The following TEX30 variants were observed in gnomAD, a reference collection of about 807,000 sequenced individuals.
TEX30 encodes testis expressed 30.
A neutral mutation model predicts 23.8 loss-of-function variants in TEX30; 14 were observed. That is an observed-to-expected ratio of 0.59 (90% CI 0.39 to 0.92). TEX30 has a LOEUF of 0.92. TEX30 is among the 40% of genes least tolerant of loss of function. The pLI is 0.00. For missense variants in TEX30, 246 were observed against 270.6 expected (o/e 0.91, Z 0.64); for synonymous variants, 78 against 90.2 (o/e 0.87, Z 0.76).
At chr13:102,769,271 C>A in intron 3 of TEX30, 40 bp downstream of exon 3, 1 of 1,321,908 alleles carries the variant, frequency 7.6e-7, no homozygotes, top group Non-Finnish European at 1.0e-6. Context: ...GGATTTCAAA[C>A]AGAATTCTGT....
Position 102,769,526 on chromosome 13 carries a change from G to C in TEX30, c.31C>G (p.Pro11Ala), listed in dbSNP as rs1421806950. The change falls in exon 3 of 6, where the codon CCT (proline) becomes GCT (alanine). Residue 11 changes from proline to alanine, a missense_variant. Transcript: ENST00000376032. Reference protein sequence around the residue: MSHTEVKLKIPFGNKLLDAVC... With the variant: MSHTEVKLKIAFGNKLLDAVC... The stretch of plus-strand genomic sequence containing the variant: ...GCATCTAGTAATTTATTTCCAAAAG[G>C]TATTTTTAATTTAACCTGGAATTCA... 1 of 1,586,538 alleles carries C rather than the reference G, an allele frequency of 6.3e-7. No homozygotes were observed. The highest frequency in any genetic ancestry group is 8.6e-7 in the Non-Finnish European group (1 of 1,167,930).
Position 102,766,372 on chromosome 13 carries a change from A to G in TEX30, c.*29T>C. 1 of 1,582,732 alleles carries G rather than the reference A, an allele frequency of 6.3e-7. No homozygotes were observed. Among genetic ancestry groups the G allele is most frequent in the Non-Finnish European group, 8.7e-7 (1 of 1,155,572 alleles). On this transcript the variant is annotated 3_prime_UTR_variant, in exon 6 of 6. Transcript: ENST00000376032. The stretch of plus-strand genomic sequence containing the variant: ...TACTCTTCTTTATCAAATTAACTGT[A>G]TGTGTACTCAAGATAACATGGCTTT...
At chr13:102,773,564 C>A (rs1045057681) in intron 1 of TEX30, 118 bp downstream of exon 1, 1 of 152,028 alleles carries the variant, frequency 6.6e-6, no homozygotes, top group African/African-American at 2.4e-5. Context: ...GACCAGACGC[C>A]CCTGAGGAGT....
chr13:102,767,196 G>T, intron 5 of TEX30, 77 bp downstream of exon 5: 1 of 1,449,550 alleles, frequency 6.9e-7, no homozygotes, highest in Non-Finnish European at 9.5e-7. Context: ...AGACACTGTT[G>T]CCAGAAGTAT....
chr13:102,770,162 C>G, intron 1 of TEX30, 76 bp from the exon 2 acceptor site: 1 of 472,400 alleles, frequency 2.1e-6, no homozygotes, highest in Non-Finnish European at 3.5e-6. Context: ...TGAACACATT[C>G]AGTAGCTAAA....
rs576581481 is a variant in TEX30 at position 102,771,770 on chromosome 13, C to G, written c.-60-1684G>C. ...TCCAGTCTTCTAACAAGGGGAAAGG[C>G]AGTCACCCAACAGGTGAAATGGGGA... On this transcript the variant is annotated intron_variant, in intron 1 of 5. Transcript: ENST00000376032. Among the ~76,000 whole-genome samples, 8 of 152,324 alleles carry G rather than the reference C, an allele frequency of 5.3e-5. No homozygotes were observed. In the East Asian group the frequency reaches 1.5e-3, roughly 29 times the overall value.
chr13:102,767,177 A>G, intron 5 of TEX30, 96 bp downstream of exon 5: 1 of 1,310,326 alleles, frequency 7.6e-7, no homozygotes, highest in Non-Finnish European at 1.0e-6. Context: ...CAAATTAGCA[A>G]TTTTTAAAAG....
At chr13:102,768,793 T>TA (rs959492826) in intron 3 of TEX30, among the ~76,000 whole-genome samples, 8 of 151,440 alleles carry the variant, frequency 5.3e-5, no homozygotes, top group East Asian at 1.9e-4. Flanking sequence ...CTGATAAGCT[T>TA]AAAAAAAAAT....
rs1364808301 is a variant in TEX30 at position 102,766,354 on chromosome 13, C to T, written c.*47G>A. The stretch of plus-strand genomic sequence containing the variant: ...TCACAATGCTGAGAGGCATACTCTT[C>T]TTTATCAAATTAACTGTATGTGTAC... On this transcript the variant is annotated 3_prime_UTR_variant, in exon 6 of 6. Coordinates refer to ENST00000376032, the MANE Select transcript of TEX30 (RefSeq NM_138779.5). The T allele has an allele frequency of 2.0e-6, 3 of 1,506,118 alleles. No individual in the cohort carries two copies. The Admixed American group carries it at 5.4e-5, about 27-fold the overall frequency. The allele number at this position is 1,506,118 out of a possible 1,614,324, so 93.3% of individuals were successfully genotyped here. A position where few individuals can be genotyped will look rare whatever the true frequency, so the allele number is the denominator to read the frequency against.
In TEX30 at chr13:102,769,414, A is replaced by T. The variant is rs1207331159; in HGVS notation, c.143T>A (p.Met48Lys). The change falls in exon 3 of 6, where the codon ATG (methionine) becomes AAG (lysine). Residue 48 changes from methionine (M) to lysine (K), a missense_variant. Physicochemically the swap from Met to Lys is moderately conservative, Grantham distance 95. Transcript: ENST00000376032. ...AGATGCAAGATGGGATGCCAGTGAC[A>T]TCAAATGAGGAAGATTCATATCTCC... ...ASGDMNLPHLMSLASHLASHG... is the reference protein window; with the variant it reads ...ASGDMNLPHLKSLASHLASHG... 1.2e-6 allele frequency: 2 copies of T among 1,610,988 alleles called. No individual in the cohort carries two copies. Among genetic ancestry groups the T allele is most frequent in the Non-Finnish European group, 1.7e-6 (2 of 1,179,056 alleles).
Position 102,769,335 on chromosome 13 carries a change from T to C in TEX30, c.222A>G (p.Arg74=). Residue 74 remains arginine, a synonymous_variant, in exon 3 of 6, where the codon AGA becomes AGG. Coordinates refer to ENST00000376032, the MANE Select transcript of TEX30 (RefSeq NM_138779.5). ...CCAAAACTGATTTATACGCCTTAAT[T>C]CTATGTACAATATTAAGGCCTTTAC... ...FTCKGLNIVH[R]IKAYKSVLNY... is the part of the protein sequence containing the mutation. The C allele has an allele frequency of 6.4e-7, 1 of 1,555,776 alleles. No homozygotes were observed. Among genetic ancestry groups the C allele is most frequent in the Non-Finnish European group, 8.6e-7 (1 of 1,158,966 alleles).
chr13:102,769,808 G>A (rs945891349), intron 2 of TEX30: 8 of 524,022 alleles, frequency 1.5e-5, no homozygotes, highest in Middle Eastern at 4.6e-4. Flanking sequence ...AGGCACAGCA[G>A]ATTAAGTAAC....
intron 5 of TEX30, 29 bp downstream of exon 5, chr13:102,767,240 TTTCA>T: frequency 6.3e-7 from 1 of 1,595,514 alleles, no homozygotes; most frequent in African/African-American, 1.3e-5. Flanking sequence ...TTTCATTCTC[TTTCA>T]TTGACACAAA....
At chr13:102,769,703 G>A (rs1046439331) in intron 2 of TEX30, 162 bp from the exon 3 acceptor site, 12 of 571,406 alleles carry the variant, frequency 2.1e-5, no homozygotes, top group African/African-American at 7.7e-5. Flanking sequence ...TTACTGTGTC[G>A]GGTATTATTA....
rs187879730 is a variant in TEX30, at chr13:102,769,937, T to A, written c.15+75A>T. On this transcript the variant is annotated intron_variant, in intron 2 of 5. Transcript: ENST00000376032. Reference sequence around the variant, plus strand: ...CCACAGTGAAAGTTGAAAATAAAATTACTCTGAAGCCACATAATTACAAAC... The same window carrying A: ...CCACAGTGAAAGTTGAAAATAAAATAACTCTGAAGCCACATAATTACAAAC... The A allele has an allele frequency of 2.9e-4, 373 of 1,267,888 alleles. 1 individual carries two copies. In the Middle Eastern group the frequency reaches 5.5e-3, roughly 19 times the overall value. 78.5% of individuals were successfully genotyped at this position (1,267,888 alleles called of 1,614,324 possible). A position where few individuals can be genotyped will look rare whatever the true frequency, so the allele number is the denominator to read the frequency against.
chr13:102,767,227 G>A (rs911857299), intron 5 of TEX30, 46 bp downstream of exon 5: 1 of 1,573,660 alleles, frequency 6.4e-7, no homozygotes, highest in African/African-American at 1.3e-5. Context: ...AGATATGTCT[G>A]CCTTTCATTC....
At chr13:102,768,502 CAT>C (rs1427689799) in intron 3 of TEX30, among the ~76,000 whole-genome samples, 191 bp from the exon 4 acceptor site, 1 of 152,104 alleles carries the variant, frequency 6.6e-6, no homozygotes, top group Non-Finnish European at 1.5e-5. Context: ...TATTAAATCA[CAT>C]GTTAGGTAAT....
At chr13:102,768,137 C>T (rs1317337494) in intron 4 of TEX30, 123 bp downstream of exon 4, 1 of 780,272 alleles carries the variant, frequency 1.3e-6, no homozygotes, top group African/African-American at 1.8e-5. Context: ...AAAAAGGTGA[C>T]TTACCAAAAC....
intron 1 of TEX30, chr13:102,770,657 G>A (rs1355428838): frequency 6.6e-6 from 1 of 152,164 alleles, no homozygotes; most frequent in Non-Finnish European, 1.5e-5. Flanking sequence ...CAAACTTCCA[G>A]AAGCCCTTTT....
Sources: gnomAD v4.1 joint callset for allele counts (sites outside exome capture counted in the v4.1 genomes callset) on GRCh38, gnomAD v4.1.1 for gene constraint, MANE v1.5 for transcripts, NCBI Gene and HGNC (gene_info 2026-07-23, HGNC 2026-07-21) for gene names.